The following PRDM8 variants were observed in gnomAD, a reference collection of about 807,000 sequenced individuals.
PRDM8 encodes the protein PR domain zinc finger protein 8.
Under a neutral mutation model 46.5 loss-of-function variants are expected in PRDM8, and 13 were observed. The observed-to-expected ratio is 0.28, with a 90% CI of 0.18 to 0.44. The LOEUF (loss-of-function observed/expected upper bound fraction) is 0.44, where lower values mean the gene tolerates loss of function less well. PRDM8 is among the 20% of genes least tolerant of loss of function. The probability of loss-of-function intolerance (pLI) is 1.00; values close to 1 mark genes in which losing one functional copy is unlikely to be tolerated. For missense variants in PRDM8, 998 were observed against 955.0 expected, an observed-to-expected ratio of 1.04 and a Z score of -0.59; for synonymous variants, 473 against 438.4, an observed-to-expected ratio of 1.08 and a Z score of -0.98.
intron 1 of PRDM8, among the ~76,000 whole-genome samples, chr4:80,191,228 C>T (rs1737517005): frequency 6.6e-6 from 1 of 152,210 alleles, no homozygotes; most frequent in South Asian, 2.1e-4. Context: ...CTTAAACACA[C>T]ACCCATACCC....
intron 1 of PRDM8, among the ~76,000 whole-genome samples, chr4:80,189,376 C>A (rs539215882): frequency 7.3e-5 from 11 of 151,446 alleles, no homozygotes; most frequent in South Asian, 6.2e-4. Flanking sequence ...ATCAATCTAC[C>A]GGGCAGGCCT....
intron 2 of PRDM8, among the ~76,000 whole-genome samples, chr4:80,192,176 C>T (rs1350932292): frequency 6.6e-6 from 1 of 152,106 alleles, no homozygotes. Flanking sequence ...CTGCTTTTTC[C>T]CCAGCAGCCC....
upstream of PRDM8, chr4:80,196,332 A>C (rs1737958680): frequency 1.0e-6 from 1 of 985,320 alleles, no homozygotes; most frequent in Admixed American, 6.1e-5. Flanking sequence ...TATACCACTC[A>C]AAGGCCTTTC....
chr4:80,186,890 CT>C (rs567883883), intron 1 of PRDM8, among the ~76,000 whole-genome samples: 154 of 152,304 alleles, frequency 1.0e-3, no homozygotes, highest in African/African-American at 3.4e-3. Flanking sequence ...CAGTGGTGCC[CT>C]TTCTCTGTGC....
exon 1 of PRDM8, chr4:80,185,307 C>T (rs139438268): frequency 6.6e-6 from 1 of 152,366 alleles, no homozygotes; most frequent in Non-Finnish European, 1.5e-5. Context: ...TAATCCCTTA[C>T]ACGAGCAAAT....
intron 1 of PRDM8, among the ~76,000 whole-genome samples, chr4:80,191,113 A>T (rs1737509124): frequency 6.6e-6 from 1 of 152,280 alleles, no homozygotes; most frequent in Non-Finnish European, 1.5e-5. Flanking sequence ...ACATGAAAAC[A>T]TCCAAAAAAG....
Position 80,197,593 on chromosome 4 carries a change from C to T in PRDM8, c.-173C>T. 3 of 954,950 alleles carry T rather than the reference C, an allele frequency of 3.1e-6. No individual in the cohort carries two copies. The highest frequency in any genetic ancestry group is 3.7e-6 in the Non-Finnish European group (3 of 802,432). The allele number at this position is 954,950 out of a possible 1,614,324, so 59.2% of individuals were successfully genotyped here. A position where few individuals can be genotyped will look rare whatever the true frequency, so the allele number is the denominator to read the frequency against. ...CCTCCACCCCCCCAATCTTTTTCTC[C>T]CCATCTCTCCATCTCTCTCTTATCT... On this transcript the variant is annotated 5_prime_UTR_variant, in exon 1 of 4. Coordinates refer to ENST00000415738, the MANE Select transcript of PRDM8 (RefSeq NM_001099403.2).
Position 80,203,226 on chromosome 4 carries a change from C to T in PRDM8, c.1764C>T (p.Ala588=). The change falls in exon 4 of 4, where the codon GCC becomes GCT. Residue 588 remains alanine (A), a synonymous_variant. Coordinates refer to ENST00000415738, the MANE Select transcript of PRDM8 (RefSeq NM_001099403.2). The stretch of plus-strand genomic sequence containing the variant: ...CCTTCTGGCCCAAGAGCTCCGCTGC[C>T]GCTGCAGCCGCGGCTGCGGCGGCGG... ...ATAFWPKSSA[A]AAAAAAAAAA... is the part of the protein sequence containing the mutation. The T allele has an allele frequency of 6.4e-7, 1 of 1,554,176 alleles. No homozygotes were observed. The highest frequency in any genetic ancestry group is 2.0e-5 in the Admixed American group (1 of 50,946).
chr4:80,201,162 TG>T, intron 2 of PRDM8, 127 bp from the exon 3 acceptor site: 1 of 851,214 alleles, frequency 1.2e-6, no homozygotes, highest in Non-Finnish European at 1.8e-6. Flanking sequence ...TTTGGAAGCG[TG>T]GTCTCAGACA....
rs1738579403 is a variant in PRDM8, at chr4:80,202,473, AG to A, written c.1012del (p.Glu338SerfsTer52). The A allele has an allele frequency of 2.0e-6, 3 of 1,494,892 alleles. No individual in the cohort carries two copies. The South Asian group carries it at 3.6e-5, about 18-fold the overall frequency. 92.6% of individuals were successfully genotyped at this position (1,494,892 alleles called of 1,614,324 possible). A position where few individuals can be genotyped will look rare whatever the true frequency, so the allele number is the denominator to read the frequency against. ...GLVGGRGRFV[E>X]RPLPASKEDL... ...TGGTAGGGGGCCGGGGCCGCTTCGT[AG>A]AGCGGCCCCTCCCGGCCTCCAAGGA... On this transcript the variant is annotated frameshift_variant, in exon 4 of 4. Coordinates refer to ENST00000415738, the MANE Select transcript of PRDM8 (RefSeq NM_001099403.2). LOFTEE classifies it high-confidence loss of function.
At chr4:80,194,661 T>C (rs1262936833), upstream of PRDM8, among the ~76,000 whole-genome samples, 2 of 152,210 alleles carry the variant, frequency 1.3e-5, no homozygotes, top group African/African-American at 4.8e-5. Context: ...GTTATGTCAG[T>C]TATTTAACTC....
rs751755227 is a variant in PRDM8, at chr4:80,201,286, G to A, written c.220-4G>A. Reference sequence around the variant, plus strand: ...TGTCTTCTTTCATTTATTTCAAACCGCAGGTAGACACCTCAGCAGCAAATG... The same window carrying A: ...TGTCTTCTTTCATTTATTTCAAACCACAGGTAGACACCTCAGCAGCAAATG... On this transcript the variant is annotated splice_polypyrimidine_tract_variant and splice_region_variant and intron_variant, in intron 2 of 3. Coordinates refer to ENST00000415738, the MANE Select transcript of PRDM8 (RefSeq NM_001099403.2). 6 of 1,613,696 alleles carry A rather than the reference G, an allele frequency of 3.7e-6. No individual in the cohort carries two copies. Among genetic ancestry groups the A allele is most frequent in the Non-Finnish European group, 5.1e-6 (6 of 1,179,732 alleles).
chr4:80,185,614 C>A (rs1184192759), intron 1 of PRDM8: 1 of 152,288 alleles, frequency 6.6e-6, no homozygotes, highest in Non-Finnish European at 1.5e-5. Context: ...AGTTCGGTCT[C>A]TTCCGAAGGC....
chr4:80,194,869 T>C (rs1450341152), upstream of PRDM8, among the ~76,000 whole-genome samples: 1 of 152,122 alleles, frequency 6.6e-6, no homozygotes, highest in Non-Finnish European at 1.5e-5. Context: ...GCTTAAGACA[T>C]AAAAAGGTCA....
chr4:80,195,719 T>A (rs759639112), upstream of PRDM8, among the ~76,000 whole-genome samples: 17 of 152,186 alleles, frequency 1.1e-4, no homozygotes, highest in Middle Eastern at 3.4e-3. Context: ...ATAGCCAAAG[T>A]ACATAAAACT....
chr4:80,199,491 C>T (rs921129482), intron 1 of PRDM8, among the ~76,000 whole-genome samples: 3 of 151,980 alleles, frequency 2.0e-5, no homozygotes, highest in Non-Finnish European at 4.4e-5. Flanking sequence ...AATTAGTGGC[C>T]CTGACATTCC....
At chr4:80,187,594 T>C (rs1210177375) in intron 1 of PRDM8, among the ~76,000 whole-genome samples, 1 of 152,158 alleles carries the variant, frequency 6.6e-6, no homozygotes, top group Non-Finnish European at 1.5e-5. Context: ...GAGGCCTAAT[T>C]CACCCCAAGA....
chr4:80,199,879 CTAATTATTT>C (rs1449118606), intron 1 of PRDM8, among the ~76,000 whole-genome samples, 191 bp from the exon 2 acceptor site: 1 of 152,022 alleles, frequency 6.6e-6, no homozygotes, highest in Non-Finnish European at 1.5e-5. Flanking sequence ...TCCCACTATT[CTAATTATTT>C]TAACAAGTAT....
At chr4:80,190,065 C>T (rs1028470015) in intron 1 of PRDM8, 5 of 152,210 alleles carry the variant, frequency 3.3e-5, no homozygotes, top group Non-Finnish European at 7.3e-5. Context: ...CGGAGGAAAA[C>T]CAAGGCTGAG....
Sources: gnomAD v4.1 joint callset for allele counts (sites outside exome capture counted in the v4.1 genomes callset) on GRCh38, gnomAD v4.1.1 for gene constraint, MANE v1.5 for transcripts, NCBI Gene and HGNC (gene_info 2026-07-23, HGNC 2026-07-21) for gene names.